The following BCL7B variants were observed in gnomAD, a reference collection of about 807,000 sequenced individuals.
BCL7B encodes B-cell CLL/lymphoma 7 protein family member B.
BCL7B carries 11 observed loss-of-function variants against 26.5 expected under a neutral mutation model. The ratio of observed to expected loss-of-function variants is 0.42; its 90% CI spans 0.26 to 0.69. The LOEUF is 0.69. BCL7B is among the 30% of genes least tolerant of loss of function. The pLI, the probability that BCL7B is intolerant of heterozygous loss-of-function variation, is 0.28. For missense variants in BCL7B, 215 were observed against 264.4 expected, an observed-to-expected ratio of 0.81 and a Z score of 1.30; for synonymous variants, 111 against 107.9, an observed-to-expected ratio of 1.03 and a Z score of -0.18.
intron 2 of BCL7B, among the ~76,000 whole-genome samples, chr7:73,550,045 T>C (rs1554583934): frequency 6.6e-6 from 1 of 152,202 alleles, no homozygotes; most frequent in Non-Finnish European, 1.5e-5. Context: ...ATTCATACAC[T>C]GTACATTTAT....
intron 1 of BCL7B, 106 bp downstream of exon 1, chr7:73,557,381 C>A: frequency 5.1e-6 from 6 of 1,181,644 alleles, no homozygotes; most frequent in Non-Finnish European, 6.4e-6. Context: ...CCCGCACCCC[C>A]CTCCCCCAGC....
chr7:73,554,439 T>C (rs575348128), intron 1 of BCL7B, among the ~76,000 whole-genome samples: 1 of 151,940 alleles, frequency 6.6e-6, no homozygotes, highest in African/African-American at 2.4e-5. Context: ...AGTCCAAATA[T>C]GAAGTCACGA....
intron 1 of BCL7B, among the ~76,000 whole-genome samples, chr7:73,555,976 CAG>C (rs1482440744): frequency 2.0e-5 from 3 of 151,976 alleles, no homozygotes; most frequent in African/African-American, 4.8e-5. Context: ...AGAGCAGAAG[CAG>C]AGAGTTTACA....
chr7:73,556,605 CAG>C (rs1405747000), intron 1 of BCL7B, among the ~76,000 whole-genome samples: 3 of 152,142 alleles, frequency 2.0e-5, no homozygotes, highest in African/African-American at 7.2e-5. Context: ...GGATACTAAA[CAG>C]GGGCTCAATC....
intron 2 of BCL7B, 34 bp from the exon 3 acceptor site, chr7:73,543,678 C>T (rs370718915): frequency 8.3e-6 from 13 of 1,563,236 alleles, no homozygotes; most frequent in Non-Finnish European, 1.1e-5. Flanking sequence ...TATGACAGAG[C>T]CAAGCAGGAG....
intron 3 of BCL7B, among the ~76,000 whole-genome samples, chr7:73,541,166 TAAAAAAA>T (rs1195923691): frequency 7.3e-5 from 11 of 150,734 alleles, no homozygotes; most frequent in African/African-American, 2.7e-4. Flanking sequence ...AAATTAAAAT[TAAAAAAA>T]AAGAAAAAAA....
At chr7:73,545,055 A>G (rs1272520031) in intron 2 of BCL7B, among the ~76,000 whole-genome samples, 1 of 151,796 alleles carries the variant, frequency 6.6e-6, no homozygotes, top group Non-Finnish European at 1.5e-5. Context: ...CCTAACTCAA[A>G]AAAAAAAAAG....
intron 2 of BCL7B, among the ~76,000 whole-genome samples, chr7:73,550,415 G>A (rs1792113674): frequency 6.6e-6 from 1 of 151,760 alleles, no homozygotes; most frequent in East Asian, 2.0e-4. Flanking sequence ...CGTGGTGGCA[G>A]GCGCCTGTAA....
chr7:73,546,989 C>T (rs1370305379), intron 2 of BCL7B, among the ~76,000 whole-genome samples: 1 of 150,798 alleles, frequency 6.6e-6, no homozygotes. Flanking sequence ...CACGGAGAAA[C>T]CCCATCTCTA....
intron 2 of BCL7B, among the ~76,000 whole-genome samples, chr7:73,547,921 C>G (rs550899770): frequency 1.3e-5 from 2 of 152,210 alleles, no homozygotes; most frequent in African/African-American, 4.8e-5. Flanking sequence ...AGTTCAACAC[C>G]AGCCTGGCCA....
chr7:73,557,459 G>T, intron 1 of BCL7B, 28 bp downstream of exon 1: 3 of 1,250,150 alleles, frequency 2.4e-6, no homozygotes, highest in African/African-American at 1.6e-5. Context: ...CGCGACCCCC[G>T]CCAGCCCCCT....
chr7:73,538,596 T>C (rs551007931), intron 4 of BCL7B, among the ~76,000 whole-genome samples: 115 of 152,070 alleles, frequency 7.6e-4, no homozygotes, highest in Non-Finnish European at 1.4e-3. Context: ...GGAGGATCAC[T>C]TGAAGCCCAG....
At chr7:73,555,353 G>A (rs1272516497) in intron 1 of BCL7B, among the ~76,000 whole-genome samples, 2 of 146,022 alleles carry the variant, frequency 1.4e-5, no homozygotes, top group African/African-American at 2.6e-5. Flanking sequence ...CGTGAGCCAA[G>A]ATCGCACCAT....
In BCL7B at chr7:73,557,546, G is replaced by C. The variant is rs146257652; in HGVS notation, c.33C>G (p.Arg11=). MSGRSVRAET[R]SRAKDDIKKV... ...TCTTGATGTCGTCCTTGGCCCGGCTGCGGGTCTCCGCCCGGACCGACCGGC... is the reference window on the plus strand; with the variant it reads ...TCTTGATGTCGTCCTTGGCCCGGCTCCGGGTCTCCGCCCGGACCGACCGGC... The change falls in exon 1 of 6, where the codon CGC becomes CGG. Residue 11 remains arginine (R), a synonymous_variant. Transcript: ENST00000223368. 1.2e-4 allele frequency: 171 copies of C among 1,431,990 alleles called. 1 individual carries two copies. The highest frequency in any genetic ancestry group is 2.6e-4 in the Middle Eastern group (1 of 3,858). 88.7% of individuals were successfully genotyped at this position (1,431,990 alleles called of 1,614,324 possible).
intron 2 of BCL7B, among the ~76,000 whole-genome samples, chr7:73,545,858 G>T (rs539215261): frequency 1.3e-5 from 2 of 152,196 alleles, no homozygotes; most frequent in African/African-American, 4.8e-5. Flanking sequence ...CTGGCCGGGC[G>T]CGGTGGCTCA....
chr7:73,539,266 T>C (rs1791660580), intron 4 of BCL7B, among the ~76,000 whole-genome samples: 1 of 146,266 alleles, frequency 6.8e-6, no homozygotes, highest in African/African-American at 2.6e-5. Context: ...GGTCTTTTTT[T>C]TTTGAGATGG....
At chr7:73,554,529 G>A (rs1792292480) in intron 1 of BCL7B, among the ~76,000 whole-genome samples, 1 of 151,814 alleles carries the variant, frequency 6.6e-6, no homozygotes, top group African/African-American at 2.4e-5. Context: ...CGGGCACGGT[G>A]GCTCACACCT....
chr7:73,540,473 G>T, intron 3 of BCL7B: 1 of 172,880 alleles, frequency 5.8e-6, no homozygotes, highest in Admixed American at 5.5e-5. Context: ...CCGGACTGAC[G>T]GATTAGCACC....
At position 73,537,976 on chromosome 7, in the gene BCL7B, AG is replaced by A; in HGVS notation, c.473del (p.Pro158LeufsTer12). On this transcript the variant is annotated frameshift_variant, in exon 5 of 6. Transcript: ENST00000223368. LOFTEE classifies it high-confidence loss of function. ...CTGGTTCTTCCTTGGTGAGGGTAGG[AG>A]GTTCATCAGCAACTTCCGAGGAGGG... is the stretch of plus-strand genomic sequence containing the variant. ...SLPSSEVADE[P>X]PTLTKEEPVP... is the part of the protein sequence containing the mutation. The A allele has an allele frequency of 6.2e-7, 1 of 1,606,346 alleles. No individual in the cohort carries two copies. The highest frequency in any genetic ancestry group is 8.5e-7 in the Non-Finnish European group (1 of 1,176,386).
Sources: allele counts gnomAD v4.1 joint callset (sites outside exome capture counted in the v4.1 genomes callset), GRCh38; gene constraint gnomAD v4.1.1; transcripts MANE v1.5; gene names NCBI Gene and HGNC (gene_info 2026-07-23, HGNC 2026-07-21).